Variants in RAB40B observed in about 807,000 individuals in gnomAD.
RAB40B encodes the protein RAB40B, member RAS oncogene family.
RAB40B carries 21 observed loss-of-function variants against 24.0 expected under a neutral mutation model. That is an observed-to-expected ratio of 0.88 (90% CI 0.62 to 1.26). The LOEUF (loss-of-function observed/expected upper bound fraction) is 1.26. Ranked by LOEUF, RAB40B falls within the 50% of genes most tolerant of loss-of-function variation. The pLI, the probability that RAB40B is intolerant of heterozygous loss-of-function variation, is 0.00. For synonymous variants in RAB40B, 167 were observed against 169.8 expected (o/e 0.98, Z 0.13); for missense variants, 348 against 390.5 (o/e 0.89, Z 0.92).
rs752306286 is a variant in RAB40B at position 82,657,400 on chromosome 17, G to A, written c.*463C>T. 2.9e-5 allele frequency: 9 copies of A among 312,704 alleles called. No homozygotes were observed. Among genetic ancestry groups the A allele is most frequent in the African/African-American group, 1.8e-4 (8 of 45,630 alleles). The allele number at this position is 312,704 out of a possible 1,614,324, so 19.4% of individuals were successfully genotyped here. A position where few individuals can be genotyped will look rare whatever the true frequency, so the allele number is the denominator to read the frequency against. ...TGCACATAACCTCTACATCTGCAGC[G>A]TTTTATAAATTGGCGCTTTGACATT... is the stretch of plus-strand genomic sequence containing the variant. On this transcript the variant is annotated 3_prime_UTR_variant, in exon 6 of 6. Coordinates refer to ENST00000571995, the MANE Select transcript of RAB40B (RefSeq NM_006822.3).
rs1416951446 is a variant in RAB40B, at chr17:82,661,104, G to A, written c.204-57C>T. 2.8e-5 allele frequency: 45 copies of A among 1,588,098 alleles called. No homozygotes were observed. In the South Asian group the frequency reaches 4.4e-4, roughly 16 times the overall value. On this transcript the variant is annotated intron_variant, in intron 2 of 5. Coordinates refer to ENST00000571995, the MANE Select transcript of RAB40B (RefSeq NM_006822.3). The stretch of plus-strand genomic sequence containing the variant: ...AACCAGTGCTTCTTCCTGACAACAG[G>A]TTCTGGAACTTCAGAGCCACAGCAA...
At chr17:82,698,046 C>A (rs1471508762) in intron 1 of RAB40B, among the ~76,000 whole-genome samples, 2 of 152,022 alleles carry the variant, frequency 1.3e-5, no homozygotes, top group Admixed American at 1.3e-4. Flanking sequence ...CGCGGCCGAA[C>A]GCGCACTTGC....
At chr17:82,695,295 G>A (rs934790080) in intron 1 of RAB40B, among the ~76,000 whole-genome samples, 21 of 150,618 alleles carry the variant, frequency 1.4e-4, no homozygotes, top group South Asian at 6.3e-4. Flanking sequence ...GGGTTCCAGC[G>A]ATTCTCCTGC....
chr17:82,672,651 G>A (rs562041475), intron 1 of RAB40B, among the ~76,000 whole-genome samples: 3 of 152,352 alleles, frequency 2.0e-5, no homozygotes, highest in African/African-American at 4.8e-5. Context: ...CTGAGCTGAC[G>A]GGCTTGCGCG....
intron 1 of RAB40B, among the ~76,000 whole-genome samples, chr17:82,669,886 T>C (rs1437985994): frequency 6.6e-6 from 1 of 152,150 alleles, no homozygotes. Flanking sequence ...AAACAATAAA[T>C]TAAAAAAGAA....
intron 1 of RAB40B, among the ~76,000 whole-genome samples, chr17:82,683,319 G>T (rs776374133): frequency 6.6e-5 from 10 of 152,126 alleles, no homozygotes; most frequent in Non-Finnish European, 1.5e-4. Flanking sequence ...TGATCAACTG[G>T]ATTTCTTCAA....
rs749615429 is a variant in RAB40B at position 82,655,337 on chromosome 17, C to A, written c.*2526G>T. 1.3e-5 allele frequency: 2 copies of A among 152,166 alleles called. No homozygotes were observed. The highest frequency in any genetic ancestry group is 4.8e-5 in the African/African-American group (2 of 41,438). 9.4% of individuals were successfully genotyped at this position (152,166 alleles called of 1,614,324 possible). A position where few individuals can be genotyped will look rare whatever the true frequency, so the allele number is the denominator to read the frequency against. On this transcript the variant is annotated 3_prime_UTR_variant, in exon 6 of 6. Transcript: ENST00000571995. ...TCCCTGGAGGGCCAAGGCCTCCGGG[C>A]GGCCCGTGCATTCGGTGAACACCTC...
intron 1 of RAB40B, among the ~76,000 whole-genome samples, chr17:82,665,193 C>G (rs2046239508): frequency 6.6e-6 from 1 of 151,902 alleles, no homozygotes. Flanking sequence ...CTTCTTTCCA[C>G]ATTTCTATTT....
intron 4 of RAB40B, 127 bp from the exon 5 acceptor site, chr17:82,658,840 A>G: frequency 7.4e-6 from 6 of 814,648 alleles, no homozygotes; most frequent in Non-Finnish European, 1.2e-5. Flanking sequence ...TCAGCATGGG[A>G]CCTCGTTTGG....
chr17:82,665,911 A>G (rs974265343), intron 1 of RAB40B, among the ~76,000 whole-genome samples: 1 of 151,998 alleles, frequency 6.6e-6, no homozygotes, highest in Non-Finnish European at 1.5e-5. Flanking sequence ...AAAAAAAAAA[A>G]AAACTACACT....
At chr17:82,674,543 G>A (rs941261458) in intron 1 of RAB40B, among the ~76,000 whole-genome samples, 6 of 150,364 alleles carry the variant, frequency 4.0e-5, no homozygotes, top group Non-Finnish European at 7.4e-5. Context: ...GGAGGCTGAG[G>A]CAGGAGAATG....
chr17:82,659,509 G>A lies in RAB40B; in HGVS notation c.342+71C>T, dbSNP rs561000216. ...GGTACCCATGAGCCCTGGAGGGCCC[G>A]GCCCTAATTCCTGGCCTGACGTCCT... On this transcript the variant is annotated intron_variant, in intron 4 of 5. Coordinates refer to ENST00000571995, the MANE Select transcript of RAB40B (RefSeq NM_006822.3). 3.4e-4 allele frequency: 510 copies of A among 1,498,396 alleles called. 1 individual carries two copies. The Middle Eastern group carries it at 6.8e-3, about 20-fold the overall frequency. 92.8% of individuals were successfully genotyped at this position (1,498,396 alleles called of 1,614,324 possible).
At position 82,692,390 on chromosome 17, in the gene RAB40B, G is replaced by A. The variant is rs1286538513; in HGVS notation, c.142+6065C>T. On this transcript the variant is annotated intron_variant, in intron 1 of 5. Transcript: ENST00000571995. This position sits in a 1 kb window ranked among gnomAD's most constrained non-coding sequence, Gnocchi z 4.0. ...GAATCCAGGCCTCGCTGACCGTATCGGAGCAAAGGGAACACCTGGGCACAG... is the reference window on the plus strand; with the variant it reads ...GAATCCAGGCCTCGCTGACCGTATCAGAGCAAAGGGAACACCTGGGCACAG... 1.3e-5 allele frequency among the ~76,000 whole-genome samples: 2 copies of A among 152,178 alleles called. No individual in the cohort carries two copies. The highest frequency in any genetic ancestry group is 2.9e-5 in the Non-Finnish European group (2 of 68,012).
At position 82,655,109 on chromosome 17, in the gene RAB40B, A is replaced by G. The variant is rs2143427504; in HGVS notation, c.*2754T>C. The G allele has an allele frequency of 6.6e-6, 1 of 152,242 alleles. No individual in the cohort carries two copies. Among genetic ancestry groups the G allele is most frequent in the South Asian group, 2.1e-4 (1 of 4,818 alleles). The allele number at this position is 152,242 out of a possible 1,614,324, so 9.4% of individuals were successfully genotyped here. On this transcript the variant is annotated 3_prime_UTR_variant, in exon 6 of 6. Coordinates refer to ENST00000571995, the MANE Select transcript of RAB40B (RefSeq NM_006822.3). ...CTGTAGCACTTTCTGCCGTGAGCGT[A>G]ACTCACTTCCTTGTAGGAGTTTCCT...
At chr17:82,662,302 C>G (rs1232640221) in intron 2 of RAB40B, 1 of 985,492 alleles carries the variant, frequency 1.0e-6, no homozygotes, top group African/African-American at 1.7e-5. Context: ...AGGCTTTGCA[C>G]ACAGCGGGAG....
At chr17:82,658,354 C>G (rs2046113451) in intron 5 of RAB40B, 137 bp downstream of exon 5, 1 of 1,140,792 alleles carries the variant, frequency 8.8e-7, no homozygotes, top group Non-Finnish European at 1.2e-6. Flanking sequence ...CATTACTTCT[C>G]TCAAATGCCT....
At chr17:82,687,930 G>A (rs551478775) in intron 1 of RAB40B, among the ~76,000 whole-genome samples, 1 of 152,216 alleles carries the variant, frequency 6.6e-6, no homozygotes, top group East Asian at 1.9e-4. Context: ...TAATTAGCCG[G>A]GCATGGTGGC....
chr17:82,678,431 C>A (rs2046416374), intron 1 of RAB40B, among the ~76,000 whole-genome samples: 2 of 152,060 alleles, frequency 1.3e-5, no homozygotes, highest in East Asian at 1.9e-4. Context: ...AAAACAAGAA[C>A]AAAAAAGGGA....
At chr17:82,673,609 T>C (rs1269379394) in intron 1 of RAB40B, among the ~76,000 whole-genome samples, 4 of 152,260 alleles carry the variant, frequency 2.6e-5, no homozygotes, top group African/African-American at 9.6e-5. Context: ...TGCTTTTCCC[T>C]TAAACACGTT....
Sources: allele counts gnomAD v4.1 joint callset (sites outside exome capture counted in the v4.1 genomes callset), GRCh38; gene constraint gnomAD v4.1.1; non-coding constraint Gnocchi (gnomAD v3.1); transcripts MANE v1.5; gene names NCBI Gene and HGNC (gene_info 2026-07-23, HGNC 2026-07-21).